Variants in SYNPO2 observed in about 807,000 individuals in gnomAD.
The protein encoded by SYNPO2 is synaptopodin-2.
Under a neutral mutation model 85.0 loss-of-function variants are expected in SYNPO2, and 56 were observed. The observed-to-expected ratio is 0.66, with a 90% CI of 0.53 to 0.82. The LOEUF (loss-of-function observed/expected upper bound fraction) is 0.82, where lower values mean the gene tolerates loss of function less well. SYNPO2 is among the 40% of genes least tolerant of loss of function. The pLI, the probability that SYNPO2 is intolerant of heterozygous loss-of-function variation, is 0.00. For missense variants in SYNPO2, 1,575 were observed against 1,534.2 expected (o/e 1.03, Z -0.44); for synonymous variants, 602 against 591.1 (o/e 1.02, Z -0.27).
At chr4:118,944,590 C>T (rs982847038) in intron 1 of SYNPO2, among the ~76,000 whole-genome samples, 6 of 151,924 alleles carry the variant, frequency 3.9e-5, no homozygotes, top group East Asian at 1.9e-4. Flanking sequence ...TATGTTACGG[C>T]GATGGTTCAG....
At chr4:119,034,675 C>G (rs1738428462) in intron 4 of SYNPO2, 4 of 985,528 alleles carry the variant, frequency 4.1e-6, no homozygotes, top group Non-Finnish European at 4.8e-6. Flanking sequence ...AGTCTGACCT[C>G]ACTCTGAGGG....
intron 1 of SYNPO2, among the ~76,000 whole-genome samples, chr4:118,878,874 C>A (rs1361000231): frequency 6.6e-6 from 1 of 152,234 alleles, no homozygotes; most frequent in Non-Finnish European, 1.5e-5. Flanking sequence ...AGGTCCTTTT[C>A]TGTCTTGTGG....
At chr4:118,919,129 C>T (rs1012259692) in intron 1 of SYNPO2, among the ~76,000 whole-genome samples, 1 of 152,126 alleles carries the variant, frequency 6.6e-6, no homozygotes, top group Non-Finnish European at 1.5e-5. Context: ...CAAAAATACT[C>T]ATTGAATATT....
chr4:118,902,241 G>A (rs1315685866), intron 1 of SYNPO2, among the ~76,000 whole-genome samples: 4 of 152,072 alleles, frequency 2.6e-5, no homozygotes, highest in Admixed American at 1.3e-4. Context: ...CATCCATTTC[G>A]GCTTCTCATG....
At chr4:119,038,901 T>A (rs1220496234) in intron 4 of SYNPO2, among the ~76,000 whole-genome samples, 2 of 152,012 alleles carry the variant, frequency 1.3e-5, no homozygotes, top group African/African-American at 2.4e-5. Context: ...CCAGTGGTTT[T>A]TTTTTTTTCC....
chr4:118,988,274 G>A (rs1736289835), intron 1 of SYNPO2, among the ~76,000 whole-genome samples: 1 of 150,430 alleles, frequency 6.6e-6, no homozygotes, highest in East Asian at 1.9e-4. Context: ...TTTTAATATT[G>A]TACACTGTCA....
intron 1 of SYNPO2, among the ~76,000 whole-genome samples, chr4:118,949,989 CCA>C (rs1238649324): frequency 6.6e-6 from 1 of 152,068 alleles, no homozygotes; most frequent in African/African-American, 2.4e-5. Flanking sequence ...AGCTATGAGG[CCA>C]CTAGGTAGCT....
At chr4:119,001,639 T>C (rs1359314270) in intron 1 of SYNPO2, among the ~76,000 whole-genome samples, 1 of 152,204 alleles carries the variant, frequency 6.6e-6, no homozygotes, top group Non-Finnish European at 1.5e-5. Context: ...TAAAATTTAG[T>C]TCTTATTCTT....
At chr4:118,918,589 T>C (rs1466232091) in intron 1 of SYNPO2, among the ~76,000 whole-genome samples, 1 of 152,188 alleles carries the variant, frequency 6.6e-6, no homozygotes, top group Admixed American at 6.5e-5. Context: ...AGAGCAGCAC[T>C]AGAGCATATA....
Position 119,058,272 on chromosome 4 carries a change from A to C in SYNPO2, c.*338A>C. On this transcript the variant is annotated 3_prime_UTR_variant, in exon 5 of 5. Coordinates refer to ENST00000307142, the MANE Select transcript of SYNPO2 (RefSeq NM_133477.3). The stretch of plus-strand genomic sequence containing the variant: ...ATAGGTAGTCTATGCAACAAACTCT[A>C]CTCAATTAAAGTAAAACTAAGTATT... The C allele has an allele frequency of 5.7e-6, 1 of 176,436 alleles. No individual in the cohort carries two copies. The allele number at this position is 176,436 out of a possible 1,614,324, so 10.9% of individuals were successfully genotyped here. A position where few individuals can be genotyped will look rare whatever the true frequency, so the allele number is the denominator to read the frequency against.
chr4:119,047,375 C>G (rs1481727815), intron 4 of SYNPO2, among the ~76,000 whole-genome samples: 1 of 152,182 alleles, frequency 6.6e-6, no homozygotes, highest in Non-Finnish European at 1.5e-5. Flanking sequence ...ACTATTTAAA[C>G]AACATGTGAT....
At chr4:119,015,616 C>T (rs977770821) in intron 1 of SYNPO2, among the ~76,000 whole-genome samples, 2 of 152,136 alleles carry the variant, frequency 1.3e-5, no homozygotes, top group African/African-American at 4.8e-5. Context: ...GCCTCAGGTT[C>T]AATTATACCT....
chr4:118,856,756 C>G (rs1400932263), intron 1 of SYNPO2, among the ~76,000 whole-genome samples: 1 of 152,128 alleles, frequency 6.6e-6, no homozygotes, highest in Non-Finnish European at 1.5e-5. Context: ...AAGCGATCTG[C>G]TTGCCTTGGT....
intron 1 of SYNPO2, chr4:119,006,396 A>G (rs1322588891): frequency 1.3e-5 from 2 of 152,102 alleles, no homozygotes; most frequent in African/African-American, 2.4e-5. Flanking sequence ...AGACCCCAAA[A>G]CTATTTCCTT....
intron 1 of SYNPO2, among the ~76,000 whole-genome samples, chr4:118,990,050 G>A (rs962562519): frequency 1.3e-5 from 2 of 152,208 alleles, no homozygotes; most frequent in African/African-American, 4.8e-5. Context: ...ATCCCATATG[G>A]CAGAGTGATT....
At chr4:118,926,987 C>A (rs994393228) in intron 1 of SYNPO2, among the ~76,000 whole-genome samples, 1 of 152,134 alleles carries the variant, frequency 6.6e-6, no homozygotes, top group East Asian at 1.9e-4. Context: ...TTGGTCCCTG[C>A]GTAGGGCACC....
chr4:118,950,970 T>G (rs1437436570), intron 1 of SYNPO2, among the ~76,000 whole-genome samples: 1 of 152,222 alleles, frequency 6.6e-6, no homozygotes, highest in Non-Finnish European at 1.5e-5. Flanking sequence ...GAAGTCTTCA[T>G]GCCATTGTAT....
rs772750638 is a variant in SYNPO2 at position 118,889,144 on chromosome 4, A to G, written c.105+3A>G. ...AGCAGCCCTTACAAGTTGCAAAGGT[A>G]GGACCTGAACGAAGTGTCACGGCTC... On this transcript the variant is annotated splice_donor_region_variant and intron_variant, in intron 1 of 4. Transcript: ENST00000307142. 2 of 1,613,974 alleles carry G rather than the reference A, an allele frequency of 1.2e-6. No homozygotes were observed. The highest frequency in any genetic ancestry group is 1.3e-5 in the African/African-American group (1 of 75,060).
intron 1 of SYNPO2, among the ~76,000 whole-genome samples, chr4:119,019,195 G>A (rs1737627869): frequency 6.6e-6 from 1 of 152,082 alleles, no homozygotes; most frequent in African/African-American, 2.4e-5. Flanking sequence ...ACCTTCACAT[G>A]TACCCCTAAA....
Sources: gnomAD v4.1 joint callset for allele counts (sites outside exome capture counted in the v4.1 genomes callset) on GRCh38, gnomAD v4.1.1 for gene constraint, MANE v1.5 for transcripts, NCBI Gene and HGNC (gene_info 2026-07-23, HGNC 2026-07-21) for gene names.